Variants in PALLD observed in about 807,000 individuals in gnomAD.
PALLD encodes palladin, cytoskeletal associated protein.
A neutral mutation model predicts 123.5 loss-of-function variants in PALLD; 61 were observed. The ratio of observed to expected loss-of-function variants is 0.49; its 90% CI spans 0.40 to 0.61. The LOEUF is 0.61. PALLD is among the 20% of genes least tolerant of loss of function. PALLD has a pLI of 0.00. For synonymous variants in PALLD, 465 were observed against 496.4 expected (o/e 0.94, Z 0.84); for missense variants, 1,273 against 1,377.0 (o/e 0.92, Z 1.20).
rs776450294 is a variant in PALLD, at chr4:168,512,326, C to A, written c.822C>A (p.Ile274=). ...ACTTCCCAGCTGCACCTCGATTCATCCAAAAGCTGAGGAGCCAAGAAGTAG... is the reference window on the plus strand; with the variant it reads ...ACTTCCCAGCTGCACCTCGATTCATACAAAAGCTGAGGAGCCAAGAAGTAG... ...ALHFPAAPRF[I]QKLRSQEVAE... Residue 274 remains isoleucine, a synonymous_variant, in exon 2 of 22, where the codon ATC becomes ATA. Coordinates refer to ENST00000505667, the MANE Select transcript of PALLD (RefSeq NM_001166108.2). The A allele has an allele frequency of 8.7e-6, 14 of 1,614,080 alleles. No individual in the cohort carries two copies. Among genetic ancestry groups the A allele is most frequent in the Non-Finnish European group, 1.1e-5 (13 of 1,180,036 alleles).
At chr4:168,870,855 CT>C (rs1750980676) in intron 10 of PALLD, among the ~76,000 whole-genome samples, 1 of 152,272 alleles carries the variant, frequency 6.6e-6, no homozygotes, top group East Asian at 1.9e-4. Context: ...ATGATAGTGG[CT>C]TTATTTCTAA....
chr4:168,542,835 G>T (rs947591528), intron 2 of PALLD, among the ~76,000 whole-genome samples: 2 of 147,796 alleles, frequency 1.4e-5, no homozygotes, highest in Non-Finnish European at 3.0e-5. Context: ...CCTTAAAAAG[G>T]TTTGGGCCTA....
intron 11 of PALLD, 53 bp from the exon 12 acceptor site, chr4:168,894,526 C>T (rs1468631664): frequency 2.7e-6 from 3 of 1,092,010 alleles, no homozygotes; most frequent in South Asian, 1.3e-5. Flanking sequence ...TAGGGCAGTA[C>T]ATATTTGTGA....
intron 10 of PALLD, among the ~76,000 whole-genome samples, chr4:168,742,865 A>G (rs1788496075): frequency 6.6e-6 from 1 of 152,120 alleles, no homozygotes; most frequent in African/African-American, 2.4e-5. Context: ...ATGTAGTTGG[A>G]TTTCCTTCAG....
chr4:168,924,844 T>G lies in PALLD; in HGVS notation c.3225-101T>G, dbSNP rs188591484. 47 of 1,193,916 alleles carry G rather than the reference T, an allele frequency of 3.9e-5. 1 individual carries two copies. The highest frequency in any genetic ancestry group is 1.0e-4 in the Admixed American group (6 of 57,800). The allele number at this position is 1,193,916 out of a possible 1,614,324, so 74.0% of individuals were successfully genotyped here. ...AAGTATGACCCTATTATCAGCTACT[T>G]GCACAATTCTGTTTCTAATGATCTA... On this transcript the variant is annotated intron_variant, in intron 19 of 21. Transcript: ENST00000505667.
intron 2 of PALLD, among the ~76,000 whole-genome samples, chr4:168,634,660 G>A (rs948005334): frequency 1.1e-4 from 17 of 152,304 alleles, no homozygotes; most frequent in Non-Finnish European, 2.2e-4. Context: ...ACATTCCATC[G>A]CCTGGAGACC....
intron 10 of PALLD, among the ~76,000 whole-genome samples, chr4:168,718,908 A>ATTTT (rs55772255): frequency 1.4e-5 from 2 of 140,248 alleles, no homozygotes; most frequent in African/African-American, 2.6e-5. Flanking sequence ...TGCCAATCTA[A>ATTTT]TTTTTTTTTT....
intron 2 of PALLD, among the ~76,000 whole-genome samples, chr4:168,640,069 G>C (rs1776788360): frequency 6.6e-6 from 1 of 152,204 alleles, no homozygotes; most frequent in African/African-American, 2.4e-5. Context: ...GTATGAGAAA[G>C]TGACGATGAC....
rs71622304 is a variant in PALLD, at chr4:168,632,041, C to T, written c.909-36149C>T. ...GTGGACTCAGAATACCGTGTTCCGC[C>T]ACGGTTTTCCTAATCCCTTCTTCGG... On this transcript the variant is annotated intron_variant, in intron 2 of 21. Transcript: ENST00000505667. 1,002 of 430,948 alleles carry T rather than the reference C, an allele frequency of 2.3e-3. 2 individuals are homozygous for T. The highest frequency in any genetic ancestry group is 2.9e-3 in the Non-Finnish European group (943 of 323,790). The allele number at this position is 430,948 out of a possible 1,614,324, so 26.7% of individuals were successfully genotyped here.
At chr4:168,784,007 G>A (rs1736318951) in intron 10 of PALLD, among the ~76,000 whole-genome samples, 1 of 152,100 alleles carries the variant, frequency 6.6e-6, no homozygotes, top group Admixed American at 6.5e-5. Context: ...CACTCTGAGA[G>A]GCCAAGGCAG....
intron 8 of PALLD, among the ~76,000 whole-genome samples, chr4:168,708,347 ACT>A (rs1784413605): frequency 6.6e-6 from 1 of 151,902 alleles, no homozygotes; most frequent in Non-Finnish European, 1.5e-5. Flanking sequence ...ACTAATACAA[ACT>A]CTGTGAGGTA....
At chr4:168,614,577 T>G (rs1466120331) in intron 2 of PALLD, among the ~76,000 whole-genome samples, 1 of 152,228 alleles carries the variant, frequency 6.6e-6, no homozygotes, top group Non-Finnish European at 1.5e-5. Flanking sequence ...CTTTTACAAG[T>G]GTTTATTAGA....
Position 168,557,340 on chromosome 4 carries a change from G to C in PALLD, c.908+44928G>C, listed in dbSNP as rs374069233. ...ATTACAGGCGTGAGCCACCACTCCC[G>C]GCCTCCACTTGTTCGTTCAATATAC... On this transcript the variant is annotated intron_variant, in intron 2 of 21. Transcript: ENST00000505667. Among the ~76,000 whole-genome samples the C allele has an allele frequency of 2.0e-4, 30 of 152,174 alleles. No individual in the cohort carries two copies. In the East Asian group the frequency reaches 5.8e-3, roughly 29 times the overall value.
intron 10 of PALLD, among the ~76,000 whole-genome samples, chr4:168,851,880 G>A (rs781134186): frequency 2.4e-4 from 36 of 152,266 alleles, no homozygotes; most frequent in Admixed American, 7.2e-4. Flanking sequence ...AATGTGCTGC[G>A]ATTTTCTGAA....
chr4:168,903,967 G>A, intron 15 of PALLD, 61 bp downstream of exon 15: 1 of 1,449,110 alleles, frequency 6.9e-7, no homozygotes, highest in Non-Finnish European at 9.7e-7. Context: ...CATTTGATTA[G>A]ACAAAGGAAC....
At chr4:168,893,881 T>C (rs1033591535) in intron 11 of PALLD, among the ~76,000 whole-genome samples, 9 of 152,344 alleles carry the variant, frequency 5.9e-5, no homozygotes, top group Non-Finnish European at 7.3e-5. Flanking sequence ...GTCAAGTCAA[T>C]TGAGGCTGTT....
At chr4:168,895,407 T>C (rs1754906167) in intron 12 of PALLD, among the ~76,000 whole-genome samples, 1 of 152,090 alleles carries the variant, frequency 6.6e-6, no homozygotes, top group Non-Finnish European at 1.5e-5. Context: ...TAAAAACACA[T>C]ATACGACTTT....
intron 2 of PALLD, among the ~76,000 whole-genome samples, chr4:168,575,554 A>G (rs1561264018): frequency 6.6e-6 from 1 of 151,810 alleles, no homozygotes; most frequent in Non-Finnish European, 1.5e-5. Flanking sequence ...CCATATCACC[A>G]CTCTAACCCC....
intron 2 of PALLD, among the ~76,000 whole-genome samples, chr4:168,666,806 G>A (rs768477970): frequency 5.3e-5 from 8 of 152,122 alleles, no homozygotes; most frequent in Non-Finnish European, 7.4e-5. Context: ...AGTTAATACT[G>A]ATGGGTGAGG....
Sources: gnomAD v4.1 joint callset for allele counts (sites outside exome capture counted in the v4.1 genomes callset) on GRCh38, gnomAD v4.1.1 for gene constraint, MANE v1.5 for transcripts, NCBI Gene and HGNC (gene_info 2026-07-23, HGNC 2026-07-21) for gene names.